The following JAKMIP1 variants were observed in gnomAD, a reference collection of about 807,000 sequenced individuals.
JAKMIP1 encodes janus kinase and microtubule-interacting protein 1.
JAKMIP1 carries 33 observed loss-of-function variants against 113.0 expected under a neutral mutation model. That is an observed-to-expected ratio of 0.29 (90% CI 0.22 to 0.39). JAKMIP1 has a LOEUF of 0.39. Ranked by LOEUF, JAKMIP1 falls within the 10% of genes least tolerant of loss-of-function variation. JAKMIP1 has a pLI of 1.00. For missense variants in JAKMIP1, 813 were observed against 1,080.5 expected, an observed-to-expected ratio of 0.75 and a Z score of 3.47; for synonymous variants, 480 against 459.9, an observed-to-expected ratio of 1.04 and a Z score of -0.56.
rs374452078 is a variant in JAKMIP1 at position 6,126,155 on chromosome 4, G to T, written c.-147-13158C>A. Among the ~76,000 whole-genome samples the T allele has an allele frequency of 3.0e-3, 390 of 128,536 alleles. 2 individuals are homozygous for T. Among genetic ancestry groups the T allele is most frequent in the African/African-American group, 0.013 (364 of 27,396 alleles). 84.3% of individuals were successfully genotyped at this position (128,536 alleles called of 152,430 possible). On this transcript the variant is annotated intron_variant, in intron 1 of 20. Coordinates refer to ENST00000409021, the MANE Select transcript of JAKMIP1 (RefSeq NM_001099433.2). The stretch of plus-strand genomic sequence containing the variant: ...CACAAACACAAACACACACCATGCA[G>T]AAACACACACATGCAAACGCACACC...
chr4:6,070,624 G>A (rs923080006), intron 8 of JAKMIP1, among the ~76,000 whole-genome samples: 6 of 152,236 alleles, frequency 3.9e-5, no homozygotes, highest in African/African-American at 1.4e-4. Flanking sequence ...AGGCCCCCGG[G>A]GCAGCACTAG....
At chr4:6,074,408 G>A (rs1173802489) in intron 8 of JAKMIP1, among the ~76,000 whole-genome samples, 2 of 152,190 alleles carry the variant, frequency 1.3e-5, no homozygotes, top group African/African-American at 4.8e-5. Context: ...GGAAAGTTCT[G>A]GAACTTTCAA....
chr4:6,119,484 C>T (rs188577794), intron 1 of JAKMIP1, among the ~76,000 whole-genome samples: 148 of 151,826 alleles, frequency 9.7e-4, no homozygotes, highest in African/African-American at 2.0e-3. Flanking sequence ...GTGGAGGTTG[C>T]GGTGAGCCGA....
chr4:6,092,192 A>G (rs1056509994), intron 3 of JAKMIP1, among the ~76,000 whole-genome samples: 4 of 152,142 alleles, frequency 2.6e-5, no homozygotes, highest in Non-Finnish European at 5.9e-5. Flanking sequence ...CCTCACCTGA[A>G]GAGCACACTC....
At chr4:6,036,164 AC>A in intron 18 of JAKMIP1, 57 bp from the exon 19 acceptor site, 1 of 1,343,082 alleles carries the variant, frequency 7.4e-7, no homozygotes, top group African/African-American at 1.5e-5. Flanking sequence ...GACAGGAACC[AC>A]CAGAAGGCTG....
chr4:6,099,535 T>C (rs1453556129), intron 3 of JAKMIP1, among the ~76,000 whole-genome samples: 2 of 152,260 alleles, frequency 1.3e-5, no homozygotes, highest in Admixed American at 1.3e-4. Context: ...TTATGCATTT[T>C]ACGTCTGCAT....
In JAKMIP1 at chr4:6,089,907, C is replaced by G. The variant is rs1313596834; in HGVS notation, c.625-4278G>C. ...GATGCAAATTAAGATGAGGTTATACCACGTTAGGGTGGACCCTAAACCCAC... is the reference window on the plus strand; with the variant it reads ...GATGCAAATTAAGATGAGGTTATACGACGTTAGGGTGGACCCTAAACCCAC... On this transcript the variant is annotated intron_variant, in intron 3 of 20. Transcript: ENST00000409021. This position sits in a 1 kb window ranked among gnomAD's most constrained non-coding sequence, Gnocchi z 5.3. Among the ~76,000 whole-genome samples the G allele has an allele frequency of 1.3e-5, 2 of 152,080 alleles. No homozygotes were observed. Among genetic ancestry groups the G allele is most frequent in the East Asian group, 3.9e-4 (2 of 5,188 alleles).
At chr4:6,102,196 T>C (rs1350275138) in intron 3 of JAKMIP1, among the ~76,000 whole-genome samples, 1 of 152,232 alleles carries the variant, frequency 6.6e-6, no homozygotes, top group African/African-American at 2.4e-5. Flanking sequence ...ACTGCTGATA[T>C]ATTGAAACAA....
intron 1 of JAKMIP1, among the ~76,000 whole-genome samples, chr4:6,198,052 G>C (rs1408994576): frequency 2.0e-5 from 3 of 152,184 alleles, no homozygotes; most frequent in East Asian, 1.9e-4. Context: ...CAGGAAAACA[G>C]AGCCCCCACC....
intron 1 of JAKMIP1, among the ~76,000 whole-genome samples, chr4:6,151,348 G>T (rs1721552945): frequency 6.6e-6 from 1 of 152,202 alleles, no homozygotes; most frequent in Non-Finnish European, 1.5e-5. Context: ...GCAGGGCCAA[G>T]ATGAAAGATG....
chr4:6,146,296 A>G (rs1285355876), intron 1 of JAKMIP1, among the ~76,000 whole-genome samples: 2 of 152,078 alleles, frequency 1.3e-5, no homozygotes, highest in African/African-American at 4.8e-5. Context: ...GCTTAATGAA[A>G]AAGTTATTTA....
intron 12 of JAKMIP1, among the ~76,000 whole-genome samples, chr4:6,055,860 G>A (rs549014903): frequency 6.7e-6 from 1 of 148,670 alleles, no homozygotes; most frequent in East Asian, 2.0e-4. Flanking sequence ...AGAGGTCGGG[G>A]CAGCCCTCCT....
rs549060284 is a variant in JAKMIP1, at chr4:6,138,066, TG to T, written c.-147-25070del. Reference sequence around the variant, plus strand: ...AGAGGCCAGCTCTGGGGTGACACTCTGGGGGTCAAGCCTAAGCCCAGACAAG... The same window carrying T: ...AGAGGCCAGCTCTGGGGTGACACTCTGGGGTCAAGCCTAAGCCCAGACAAG... On this transcript the variant is annotated intron_variant, in intron 1 of 20. Transcript: ENST00000409021. The surrounding 1 kb of genome is among the most constrained non-coding windows in gnomAD (Gnocchi z 6.0). Among the ~76,000 whole-genome samples the T allele has an allele frequency of 1.3e-3, 194 of 152,138 alleles. 1 individual carries two copies. The highest frequency in any genetic ancestry group is 4.5e-3 in the African/African-American group (186 of 41,514).
rs1722574742 is a variant in JAKMIP1, at chr4:6,158,914, C to A, written c.-148+41339G>T. 6.6e-6 allele frequency among the ~76,000 whole-genome samples: 1 copy of A among 152,050 alleles called. No individual in the cohort carries two copies. Among genetic ancestry groups the A allele is most frequent in the Non-Finnish European group, 1.5e-5 (1 of 67,978 alleles). The stretch of plus-strand genomic sequence containing the variant: ...GACCAGCCTGACCAACATGGTGAAA[C>A]CCCATCTCTACAAAAAATACAAAAA... On this transcript the variant is annotated intron_variant, in intron 1 of 20. Coordinates refer to ENST00000409021, the MANE Select transcript of JAKMIP1 (RefSeq NM_001099433.2). This position sits in a 1 kb window ranked among gnomAD's most constrained non-coding sequence, Gnocchi z 5.3.
chr4:6,064,901 C>T lies in JAKMIP1; in HGVS notation c.1410G>A (p.Thr470=), dbSNP rs778348027. 2.0e-5 allele frequency: 33 copies of T among 1,613,992 alleles called. No homozygotes were observed. Among genetic ancestry groups the T allele is most frequent in the East Asian group, 6.7e-5 (3 of 44,894 alleles). Residue 470 remains threonine, a synonymous_variant, in exon 9 of 21, where the codon ACG becomes ACA. Transcript: ENST00000409021. This position sits in a 1 kb window ranked among gnomAD's most constrained non-coding sequence, Gnocchi z 4.3. Reference sequence around the variant, plus strand: ...TTACATCGTCCAAGTCTTCTTCGGGCGTGGCTGGGGTCCTGTCTGTCCTGT... The same window carrying T: ...TTACATCGTCCAAGTCTTCTTCGGGTGTGGCTGGGGTCCTGTCTGTCCTGT... The part of the protein sequence containing the change: ...NTDRTDRTPA[T]PEEDLDDATA...
rs181599508 is a variant in JAKMIP1, at chr4:6,081,089, G to T, written c.1101+520C>A. On this transcript the variant is annotated intron_variant, in intron 6 of 20. Coordinates refer to ENST00000409021, the MANE Select transcript of JAKMIP1 (RefSeq NM_001099433.2). This position sits in a 1 kb window ranked among gnomAD's most constrained non-coding sequence, Gnocchi z 4.6. ...CCGTCTTCCCGGCTGTGAAGTGGGGGTTGATACTACTCTGAACAATGAACC... is the reference window on the plus strand; with the variant it reads ...CCGTCTTCCCGGCTGTGAAGTGGGGTTTGATACTACTCTGAACAATGAACC... Among the ~76,000 whole-genome samples, 54 of 152,086 alleles carry T rather than the reference G, an allele frequency of 3.6e-4. No individual in the cohort carries two copies. Among genetic ancestry groups the T allele is most frequent in the African/African-American group, 1.2e-3 (48 of 41,428 alleles).
At chr4:6,174,983 A>C (rs1214379273) in intron 1 of JAKMIP1, among the ~76,000 whole-genome samples, 1 of 152,164 alleles carries the variant, frequency 6.6e-6, no homozygotes, top group African/African-American at 2.4e-5. Flanking sequence ...TCTGAGAAAC[A>C]AAAAACAGTA....
chr4:6,136,622 C>G lies in JAKMIP1; in HGVS notation c.-147-23625G>C, dbSNP rs998590916. Among the ~76,000 whole-genome samples, 1 of 152,164 alleles carries G rather than the reference C, an allele frequency of 6.6e-6. No individual in the cohort carries two copies. The highest frequency in any genetic ancestry group is 2.4e-5 in the African/African-American group (1 of 41,430). On this transcript the variant is annotated intron_variant, in intron 1 of 20. Coordinates refer to ENST00000409021, the MANE Select transcript of JAKMIP1 (RefSeq NM_001099433.2). The surrounding 1 kb of genome is among the most constrained non-coding windows in gnomAD (Gnocchi z 5.9). ...GTCACCTGCACCTTGCTCGACTATCCTTTTCTTGCCTACTTTTCTGATTTT... is the reference window on the plus strand; with the variant it reads ...GTCACCTGCACCTTGCTCGACTATCGTTTTCTTGCCTACTTTTCTGATTTT...
chr4:6,152,809 T>TAC (rs1447618469), intron 1 of JAKMIP1, among the ~76,000 whole-genome samples: 9 of 117,632 alleles, frequency 7.7e-5, no homozygotes, highest in East Asian at 2.0e-4. Context: ...TATATATATA[T>TAC]ACATATATAT....
Sources: allele counts gnomAD v4.1 joint callset (sites outside exome capture counted in the v4.1 genomes callset), GRCh38; gene constraint gnomAD v4.1.1; non-coding constraint Gnocchi (gnomAD v3.1); transcripts MANE v1.5; gene names NCBI Gene and HGNC (gene_info 2026-07-23, HGNC 2026-07-21).